Variants in FLII observed in about 807,000 individuals in gnomAD.
FLII encodes FLII actin remodeling protein, also known as protein flightless-1 homolog.
In FLII, 101 loss-of-function variants were observed where a neutral mutation model predicts 156.2. The observed-to-expected ratio is 0.65, with a 90% CI of 0.55 to 0.76. The LOEUF is 0.76. Ranked by LOEUF, FLII falls within the 30% of genes least tolerant of loss-of-function variation. FLII has a pLI of 0.00. For synonymous variants in FLII, 767 were observed against 685.8 expected, an observed-to-expected ratio of 1.12 and a Z score of -1.85; for missense variants, 1,675 against 1,682.8, an observed-to-expected ratio of 1.00 and a Z score of 0.08.
rs1373786641 is a variant in FLII at position 18,247,210 on chromosome 17, C to CAGTG, written c.2631_2634dup (p.Ala879HisfsTer93). 6.3e-7 allele frequency: 1 copy of CAGTG among 1,594,016 alleles called. No homozygotes were observed. Among genetic ancestry groups the CAGTG allele is most frequent in the Non-Finnish European group, 8.5e-7 (1 of 1,177,670 alleles). ...GGCGGCTGCCGCGGCAGGAAAAGCG[C>CAGTG]AGTGAGGTCAGCCTTCATCTGGTCT... On this transcript the variant is annotated frameshift_variant, in exon 21 of 30. Coordinates refer to ENST00000327031, the MANE Select transcript of FLII (RefSeq NM_002018.4). LOFTEE classifies it high-confidence loss of function.
chr17:18,251,951 G>A (rs1287437941), intron 11 of FLII, 48 bp downstream of exon 11: 1 of 1,604,644 alleles, frequency 6.2e-7, no homozygotes, highest in East Asian at 2.2e-5. Context: ...TGTCATTTGA[G>A]GCCTGGAGAG....
At chr17:18,253,129 G>C (rs1219509187) in intron 9 of FLII, among the ~76,000 whole-genome samples, 172 bp downstream of exon 9, 1 of 152,266 alleles carries the variant, frequency 6.6e-6, no homozygotes, top group East Asian at 1.9e-4. Context: ...CAGCCCAGGC[G>C]ACAGAGCGAG....
Position 18,254,604 on chromosome 17 carries a change from C to T in FLII, c.492G>A (p.Glu164=). ...GGCGGCGCATCTGCGGGGGCAGGCTCTCCAGGCGGTTCTCGCTGAGGTCCA... is the reference window on the plus strand; with the variant it reads ...GGCGGCGCATCTGCGGGGGCAGGCTTTCCAGGCGGTTCTCGCTGAGGTCCA... ...LYLDLSENRL[E]SLPPQMRRLV... is the part of the protein sequence containing the mutation. Residue 164 remains glutamate (E), a synonymous_variant, in exon 6 of 30, where the codon GAG becomes GAA. Coordinates refer to ENST00000327031, the MANE Select transcript of FLII (RefSeq NM_002018.4). 1.2e-6 allele frequency: 2 copies of T among 1,613,918 alleles called. No homozygotes were observed. The highest frequency in any genetic ancestry group is 1.7e-6 in the Non-Finnish European group (2 of 1,179,962).
At position 18,248,689 on chromosome 17, in the gene FLII, C is replaced by G; in HGVS notation, c.2051G>C (p.Arg684Pro). 1.2e-6 allele frequency: 2 copies of G among 1,613,784 alleles called. No homozygotes were observed. The highest frequency in any genetic ancestry group is 1.7e-6 in the Non-Finnish European group (2 of 1,179,730). ...CAGTGTGATCTCAGCCTTCCCTTTCCGCTCATTCTTGTTAATTTTCTCTGC... is the reference window on the plus strand; with the variant it reads ...CAGTGTGATCTCAGCCTTCCCTTTCGGCTCATTCTTGTTAATTTTCTCTGC... ...LFAEKINKNE[R>P]KGKAEITLLV... Residue 684 changes from arginine to proline, a missense_variant, in exon 18 of 30, where the codon CGG becomes CCG. This residue lies in a region of FLII where 1,332 missense variants were observed against 1,269.3 expected (regional missense o/e 1.05). Coordinates refer to ENST00000327031, the MANE Select transcript of FLII (RefSeq NM_002018.4).
chr17:18,258,414 T>C lies in FLII; in HGVS notation c.63+214A>G. 1 of 1,410,364 alleles carries C rather than the reference T, an allele frequency of 7.1e-7. No homozygotes were observed. The highest frequency in any genetic ancestry group is 9.5e-7 in the Non-Finnish European group (1 of 1,053,722). 87.4% of individuals were successfully genotyped at this position (1,410,364 alleles called of 1,614,324 possible). On this transcript the variant is annotated intron_variant, in intron 1 of 29. Transcript: ENST00000327031. The surrounding 1 kb of genome is among the most constrained non-coding windows in gnomAD (Gnocchi z 4.2). ...GCGGGACTCCGAGCCCAAGCGTCCG[T>C]CCCCGGCCTGCCCAGCCTCGGTCTC...
At position 18,245,678 on chromosome 17, in the gene FLII, A is replaced by G. The variant is rs765843578; in HGVS notation, c.3504-18T>C. On this transcript the variant is annotated intron_variant, in intron 27 of 29. Transcript: ENST00000327031. ...TGGAGCACCTGGGAATCAAGGGTCAAGGTGAGGCCAGAGGTCATAAGCAGC... is the reference window on the plus strand; with the variant it reads ...TGGAGCACCTGGGAATCAAGGGTCAGGGTGAGGCCAGAGGTCATAAGCAGC... 2.5e-6 allele frequency: 4 copies of G among 1,613,012 alleles called. No homozygotes were observed. Among genetic ancestry groups the G allele is most frequent in the South Asian group, 1.1e-5 (1 of 91,068 alleles).
Position 18,247,290 on chromosome 17 carries a change from G to T in FLII, c.2555C>A (p.Ala852Asp). 1 of 1,612,426 alleles carries T rather than the reference G, an allele frequency of 6.2e-7. No individual in the cohort carries two copies. The change falls in exon 21 of 30, where the codon GCC becomes GAC. Residue 852 changes from alanine (A) to aspartate (D), a missense_variant. Ala to Asp is a moderately radical substitution (Grantham distance 126). Around this residue, in one of 2 missense-constraint regions of FLII, gnomAD observed 1,332 missense variants for 1,269.3 expected, o/e 1.05. Coordinates refer to ENST00000327031, the MANE Select transcript of FLII (RefSeq NM_002018.4). Reference sequence around the variant, plus strand: ...GGAGAGACCCGGGCTCTGCAGCACGGCCTCCGCATTGCGTGTGTAGTCCAC... The same window carrying T: ...GGAGAGACCCGGGCTCTGCAGCACGTCCTCCGCATTGCGTGTGTAGTCCAC... ...LTVDYTRNAE[A>D]VLQSPGLSGK...
Position 18,252,091 on chromosome 17 carries a change from CGGTCTGCGGGCTTGGGCGGCAT to C in FLII, c.1132_1153del (p.Met378ValfsTer18). The C allele has an allele frequency of 6.2e-7, 1 of 1,613,424 alleles. No individual in the cohort carries two copies. Among genetic ancestry groups the C allele is most frequent in the Non-Finnish European group, 8.5e-7 (1 of 1,180,032 alleles). ...GTCGATGTTGTACCACTCAGCGGCA[CGGTCTGCGGGCTTGGGCGGCAT>C]GACCAGGTTGGGGTTCTCCCGCACA... On this transcript the variant is annotated frameshift_variant, in exon 11 of 30. Transcript: ENST00000327031. LOFTEE classifies it high-confidence loss of function.
At position 18,246,078 on chromosome 17, in the gene FLII, G is replaced by C; in HGVS notation, c.3268-16C>G. The C allele has an allele frequency of 1.2e-6, 2 of 1,614,084 alleles. No homozygotes were observed. The highest frequency in any genetic ancestry group is 1.7e-6 in the Non-Finnish European group (2 of 1,180,010). On this transcript the variant is annotated splice_polypyrimidine_tract_variant and intron_variant, in intron 25 of 29. Transcript: ENST00000327031. ...CAAAGGGAACCTGGGGAGTGTGCAGGGGTGGGGGTGTTCGCAGCTGACTCA... is the reference window on the plus strand; with the variant it reads ...CAAAGGGAACCTGGGGAGTGTGCAGCGGTGGGGGTGTTCGCAGCTGACTCA...
intron 10 of FLII, 60 bp downstream of exon 10, chr17:18,252,412 G>A: frequency 6.6e-7 from 1 of 1,526,018 alleles, no homozygotes. Flanking sequence ...GGTCCCCCTT[G>A]CTCCAGGGCA....
chr17:18,245,624 C>G lies in FLII; in HGVS notation c.3540G>C (p.Glu1180Asp). 1 of 1,613,966 alleles carries G rather than the reference C, an allele frequency of 6.2e-7. No individual in the cohort carries two copies. The highest frequency in any genetic ancestry group is 8.5e-7 in the Non-Finnish European group (1 of 1,180,024). ...SNEKGYFAVTEKCSDFCQDDL... is the reference protein window; with the variant it reads ...SNEKGYFAVTDKCSDFCQDDL... ...CATCTTGGCAAAAGTCGGAGCATTT[C>G]TCAGTCACTGCAAAGTAGCCCTTCT... The change falls in exon 28 of 30, where the codon GAG (glutamate) becomes GAC (aspartate). Residue 1180 changes from glutamate to aspartate, a missense_variant. By Grantham distance (45) the Glu-to-Asp change is conservative (BLOSUM62 2). Around this residue, in one of 2 missense-constraint regions of FLII, gnomAD observed 1,332 missense variants for 1,269.3 expected, o/e 1.05. Coordinates refer to ENST00000327031, the MANE Select transcript of FLII (RefSeq NM_002018.4).
upstream of FLII, chr17:18,258,804 C>A: frequency 1.7e-6 from 1 of 585,502 alleles, no homozygotes; most frequent in South Asian, 8.2e-5. This position sits in a 1 kb window ranked among gnomAD's most constrained non-coding sequence, Gnocchi z 4.2. Flanking sequence ...CGCCCGCGCC[C>A]GCCGCATTCC....
Position 18,247,763 on chromosome 17 carries a change from C to T in FLII, c.2381G>A (p.Arg794His). 4.4e-6 allele frequency: 7 copies of T among 1,608,532 alleles called. No individual in the cohort carries two copies. Among genetic ancestry groups the T allele is most frequent in the Non-Finnish European group, 5.9e-6 (7 of 1,179,906 alleles). ...CTTGAGGGCGGCAGCGCGCACCAGG[C>T]GCGGGGACTTGCGGCCGAGCCAGAT... ...VFIWLGRKSP[R>H]LVRAAALKLG... The change falls in exon 20 of 30, where the codon CGC becomes CAC. Residue 794 changes from arginine to histidine, a missense_variant. Transcript: ENST00000327031.
intron 7 of FLII, 177 bp from the exon 8 acceptor site, chr17:18,253,896 G>A (rs985819211): frequency 1.3e-6 from 1 of 776,520 alleles, no homozygotes; most frequent in East Asian, 2.7e-5. Context: ...GGTTGCGGGG[G>A]AGTTTTCTAG....
intron 6 of FLII, 59 bp downstream of exon 6, chr17:18,254,462 G>A (rs2048358983): frequency 2.0e-6 from 3 of 1,513,256 alleles, no homozygotes; most frequent in East Asian, 4.7e-5. Flanking sequence ...GAAGTGAAGG[G>A]GCCCGGCCAG....
rs780237796 is a variant in FLII at position 18,254,874 on chromosome 17, C to G, written c.328-20G>C. On this transcript the variant is annotated intron_variant, in intron 4 of 29. Transcript: ENST00000327031. ...CAAGTCCTGGGTAGAAGGGGCAAGA[C>G]CCAGGTCAGGGGAGTCTCCTCCCCA... is the stretch of plus-strand genomic sequence containing the variant. 6.2e-7 allele frequency: 1 copy of G among 1,613,294 alleles called. No homozygotes were observed. Among genetic ancestry groups the G allele is most frequent in the South Asian group, 1.1e-5 (1 of 91,064 alleles).
chr17:18,254,384 T>G (rs1358499827), intron 6 of FLII, 137 bp downstream of exon 6: 6 of 902,512 alleles, frequency 6.6e-6, no homozygotes, highest in Non-Finnish European at 9.9e-6. Context: ...CTTAGGAGGT[T>G]GTACACTGAG....
rs1225802988 is a variant in FLII, at chr17:18,249,912, A to G, written c.1777-504T>C. Among the ~76,000 whole-genome samples the G allele has an allele frequency of 2.5e-4, 38 of 152,094 alleles. 1 individual carries two copies. Among genetic ancestry groups the G allele is most frequent in the Admixed American group, 2.5e-3 (38 of 15,252 alleles). On this transcript the variant is annotated intron_variant, in intron 14 of 29. Coordinates refer to ENST00000327031, the MANE Select transcript of FLII (RefSeq NM_002018.4). ...GGCGGGTGGATCACCTAAGGTCAGG[A>G]GTTCGAGACCAGCCTGGCCAACATG...
intron 3 of FLII, among the ~76,000 whole-genome samples, chr17:18,255,536 C>T (rs531714409): frequency 6.6e-6 from 1 of 152,310 alleles, no homozygotes; most frequent in South Asian, 2.1e-4. Flanking sequence ...CATTTCTCTT[C>T]TTCTTAATTC....
Sources: gnomAD v4.1 joint callset for allele counts (sites outside exome capture counted in the v4.1 genomes callset) on GRCh38, gnomAD v4.1.1 for gene constraint, gnomAD v4.1.1 regional missense constraint, Gnocchi (gnomAD v3.1) non-coding constraint, MANE v1.5 for transcripts, NCBI Gene and HGNC (gene_info 2026-07-23, HGNC 2026-07-21) for gene names.